The following OXCT1 variants were observed in gnomAD, a reference collection of about 807,000 sequenced individuals.
OXCT1 encodes succinyl-CoA:3-ketoacid coenzyme A transferase 1, mitochondrial.
In OXCT1, 27 loss-of-function variants were observed where a neutral mutation model predicts 69.6. That is an observed-to-expected ratio of 0.39 (90% confidence interval 0.29 to 0.54). The LOEUF (loss-of-function observed/expected upper bound fraction) is 0.54, where lower values mean the gene tolerates loss of function less well. Among genes scored for constraint, OXCT1 ranks in the 20% least tolerant of loss-of-function variants. The pLI is 0.72. For missense variants in OXCT1, 437 were observed against 650.2 expected, an observed-to-expected ratio of 0.67 and a Z score of 3.57; for synonymous variants, 202 against 217.8, an observed-to-expected ratio of 0.93 and a Z score of 0.64.
rs1417988305 is a variant in OXCT1 at position 41,861,294 on chromosome 5, T to A, written c.278+20A>T. On this transcript the variant is annotated intron_variant, in intron 3 of 16. Transcript: ENST00000196371. ...ATTGGCATTTCTCTCCAGCCAATTG[T>A]TTTTAAAATGCACACTTACCCTGCA... is the stretch of plus-strand genomic sequence containing the variant. 2 of 1,491,314 alleles carry A rather than the reference T, an allele frequency of 1.3e-6. No individual in the cohort carries two copies. The highest frequency in any genetic ancestry group is 4.5e-5 in the East Asian group (2 of 44,262). 92.4% of individuals were successfully genotyped at this position (1,491,314 alleles called of 1,614,324 possible).
At chr5:41,754,030 C>A (rs1005094684) in intron 14 of OXCT1, among the ~76,000 whole-genome samples, 1 of 151,992 alleles carries the variant, frequency 6.6e-6, no homozygotes, top group African/African-American at 2.4e-5. Flanking sequence ...AGGACTGTAG[C>A]CCAAAACATA....
intron 1 of OXCT1, among the ~76,000 whole-genome samples, chr5:41,869,701 G>C (rs530384711): frequency 3.2e-4 from 49 of 152,266 alleles, no homozygotes; most frequent in African/African-American, 1.2e-3. Context: ...TCCAGTCTAC[G>C]GGGCAGCAGA....
intron 7 of OXCT1, among the ~76,000 whole-genome samples, chr5:41,833,763 A>G (rs554819323): frequency 2.0e-5 from 3 of 152,278 alleles, no homozygotes; most frequent in Non-Finnish European, 4.4e-5. Flanking sequence ...GGGTGAAGTA[A>G]AAGTGTAGAG....
chr5:41,854,885 T>C (rs942224176), intron 3 of OXCT1, among the ~76,000 whole-genome samples: 1 of 152,188 alleles, frequency 6.6e-6, no homozygotes, highest in Non-Finnish European at 1.5e-5. Context: ...CCTACTAATG[T>C]TCAATATATC....
At chr5:41,829,387 T>G (rs1406211740) in intron 7 of OXCT1, among the ~76,000 whole-genome samples, 1 of 152,142 alleles carries the variant, frequency 6.6e-6, no homozygotes, top group African/African-American at 2.4e-5. Flanking sequence ...AAGGGGGATA[T>G]ATTATTAAAA....
At chr5:41,846,905 T>G (rs1419139638) in intron 5 of OXCT1, among the ~76,000 whole-genome samples, 1 of 152,178 alleles carries the variant, frequency 6.6e-6, no homozygotes, top group Non-Finnish European at 1.5e-5. Flanking sequence ...TTTTTTCATG[T>G]TTTTTGGCTG....
rs147876476 is a variant in OXCT1, at chr5:41,805,087, T to A, written c.955+480A>T. On this transcript the variant is annotated intron_variant, in intron 9 of 16. Coordinates refer to ENST00000196371, the MANE Select transcript of OXCT1 (RefSeq NM_000436.4). The stretch of plus-strand genomic sequence containing the variant: ...AGCAGAATTTGAATCATTTGTTGAA[T>A]ACCCTCATAAAATATTAGATATAAC... 4.3e-4 allele frequency among the ~76,000 whole-genome samples: 65 copies of A among 152,212 alleles called. No individual in the cohort carries two copies. The East Asian group carries it at 0.011, about 26-fold the overall frequency.
intron 11 of OXCT1, 46 bp from the exon 12 acceptor site, chr5:41,794,795 T>C: frequency 1.9e-6 from 3 of 1,592,666 alleles, no homozygotes; most frequent in Non-Finnish European, 2.6e-6. Flanking sequence ...ATTAGATTTC[T>C]AAGAGTATCA....
chr5:41,784,079 TA>T (rs1483184494), intron 13 of OXCT1, among the ~76,000 whole-genome samples: 1 of 152,216 alleles, frequency 6.6e-6, no homozygotes, highest in Admixed American at 6.5e-5. Context: ...TTAATCTTTT[TA>T]AAAATTATCT....
At chr5:41,852,763 A>C (rs921693974) in intron 4 of OXCT1, among the ~76,000 whole-genome samples, 2 of 152,180 alleles carry the variant, frequency 1.3e-5, no homozygotes, top group Non-Finnish European at 2.9e-5. Flanking sequence ...ATCACCCATA[A>C]ATTTCTAGTT....
chr5:41,806,220 C>T (rs552950623), intron 8 of OXCT1, among the ~76,000 whole-genome samples: 72 of 152,022 alleles, frequency 4.7e-4, no homozygotes, highest in Non-Finnish European at 8.8e-5. Flanking sequence ...AACTCTGGCT[C>T]GTGTTTGCAA....
chr5:41,827,279 T>C (rs1327520627), intron 7 of OXCT1, among the ~76,000 whole-genome samples: 1 of 152,208 alleles, frequency 6.6e-6, no homozygotes, highest in Non-Finnish European at 1.5e-5. Flanking sequence ...AGCCTCGATA[T>C]TGTCAGAGCA....
At chr5:41,843,237 G>C (rs1748732145) in intron 5 of OXCT1, among the ~76,000 whole-genome samples, 1 of 152,136 alleles carries the variant, frequency 6.6e-6, no homozygotes, top group Non-Finnish European at 1.5e-5. Context: ...ATCACCTGTT[G>C]AGATTTTAAA....
intron 11 of OXCT1, among the ~76,000 whole-genome samples, chr5:41,795,027 T>C (rs1746111911): frequency 6.6e-6 from 1 of 152,236 alleles, no homozygotes; most frequent in Non-Finnish European, 1.5e-5. Context: ...GTCCCCTTTT[T>C]GGTACCTCAG....
rs1436453075 is a variant in OXCT1, at chr5:41,794,091, G to A, written c.1173-13C>T. On this transcript the variant is annotated splice_polypyrimidine_tract_variant and intron_variant, in intron 12 of 16. Coordinates refer to ENST00000196371, the MANE Select transcript of OXCT1 (RefSeq NM_000436.4). ...ATCGACGTGTCCACTGAGAAAGAAA[G>A]AGGAAGAATAAAGTGAACCTCATAA... 1 of 1,605,580 alleles carries A rather than the reference G, an allele frequency of 6.2e-7. No individual in the cohort carries two copies. Among genetic ancestry groups the A allele is most frequent in the Non-Finnish European group, 8.5e-7 (1 of 1,172,302 alleles).
At chr5:41,791,394 C>T (rs184759850) in intron 13 of OXCT1, among the ~76,000 whole-genome samples, 2 of 152,284 alleles carry the variant, frequency 1.3e-5, no homozygotes, top group Admixed American at 1.3e-4. Context: ...CCTTTGGGAA[C>T]TCGTGGGCTC....
intron 7 of OXCT1, among the ~76,000 whole-genome samples, chr5:41,836,974 A>G (rs1181792823): frequency 6.6e-6 from 1 of 152,162 alleles, no homozygotes; most frequent in Non-Finnish European, 1.5e-5. Flanking sequence ...CAATAAACAT[A>G]CTCATTTACT....
chr5:41,788,427 T>A (rs1745755579), intron 13 of OXCT1, among the ~76,000 whole-genome samples: 1 of 152,158 alleles, frequency 6.6e-6, no homozygotes, highest in Non-Finnish European at 1.5e-5. Context: ...GATTATAAGA[T>A]AACAATCTAA....
chr5:41,761,182 C>T (rs78052858), intron 14 of OXCT1, among the ~76,000 whole-genome samples: 269 of 152,198 alleles, frequency 1.8e-3, no homozygotes, highest in Non-Finnish European at 3.2e-3. Context: ...CAATTAAGCT[C>T]AGTTCGTCCA....
Sources: gnomAD v4.1 joint callset for allele counts (sites outside exome capture counted in the v4.1 genomes callset) on GRCh38, gnomAD v4.1.1 for gene constraint, MANE v1.5 for transcripts, NCBI Gene and HGNC (gene_info 2026-07-23, HGNC 2026-07-21) for gene names.